The following TRRAP variants were observed in gnomAD, a reference collection of about 807,000 sequenced individuals.
TRRAP encodes the protein transformation/transcription domain associated protein.
TRRAP carries 41 observed loss-of-function variants against 438.8 expected under a neutral mutation model. That is an observed-to-expected ratio of 0.09 (90% confidence interval 0.07 to 0.12). The LOEUF is 0.12. Ranked by LOEUF, TRRAP falls within the 10% of genes least tolerant of loss-of-function variation. TRRAP has a pLI of 1.00. For synonymous variants in TRRAP, 1,994 were observed against 1,962.9 expected, an observed-to-expected ratio of 1.02 and a Z score of -0.42; for missense variants, 3,122 against 5,055.1, an observed-to-expected ratio of 0.62 and a Z score of 11.60.
In TRRAP at chr7:98,908,557, TGAGCCCTCTTCTGTCATGTATCTGGGA is replaced by T. The variant is rs569211913; in HGVS notation, c.1116-167_1116-141del. 5.4e-4 allele frequency among the ~76,000 whole-genome samples: 82 copies of T among 152,294 alleles called. No homozygotes were observed. The highest frequency in any genetic ancestry group is 1.9e-3 in the African/African-American group (79 of 41,544). ...AAGATGGAGGTATCAGTACAAAACT[TGAGCCCTCTTCTGTCATGTATCTGGGA>T]GAGAGTAATGTGGTGAAAATGGGCC... On this transcript the variant is annotated intron_variant, in intron 13 of 72. Coordinates refer to ENST00000456197, the MANE Select transcript of TRRAP (RefSeq NM_001375524.1). The surrounding 1 kb of genome is among the most constrained non-coding windows in gnomAD (Gnocchi z 4.1).
chr7:98,894,602 T>A (rs1439162971), intron 6 of TRRAP, among the ~76,000 whole-genome samples: 1 of 141,270 alleles, frequency 7.1e-6, no homozygotes, highest in Non-Finnish European at 1.5e-5. Context: ...TTCTTTCCTT[T>A]CCTTTCTCTT....
At position 99,005,048 on chromosome 7, in the gene TRRAP, T is replaced by A; in HGVS notation, c.10536-83T>A. On this transcript the variant is annotated intron_variant, in intron 68 of 72. Coordinates refer to ENST00000456197, the MANE Select transcript of TRRAP (RefSeq NM_001375524.1). This position sits in a 1 kb window ranked among gnomAD's most constrained non-coding sequence, Gnocchi z 5.1. ...TACACAGTCCGTTTTCCCGTGACAG[T>A]TCGGACATTCCTAGCTTCTTCTCAA... 1 of 1,416,580 alleles carries A rather than the reference T, an allele frequency of 7.1e-7. No homozygotes were observed. The highest frequency in any genetic ancestry group is 9.9e-7 in the Non-Finnish European group (1 of 1,013,596). The allele number at this position is 1,416,580 out of a possible 1,614,324, so 87.8% of individuals were successfully genotyped here.
chr7:98,930,668 G>A lies in TRRAP; in HGVS notation c.3429G>A (p.Glu1143=), dbSNP rs1370683012. Residue 1143 remains glutamate, a synonymous_variant, in exon 25 of 73, where the codon GAG becomes GAA. Coordinates refer to ENST00000456197, the MANE Select transcript of TRRAP (RefSeq NM_001375524.1). ...TGCCCCTGTTTTCTTACATCGTGGA[G>A]CGCCTGTGTGCATGTTGTTATGAAC... ...CQLPLFSYIV[E]RLCACCYEQA... The A allele has an allele frequency of 9.9e-6, 16 of 1,613,974 alleles. No individual in the cohort carries two copies. The highest frequency in any genetic ancestry group is 3.3e-5 in the Admixed American group (2 of 60,008).
chr7:98,910,538 A>G lies in TRRAP; in HGVS notation c.1743A>G (p.Leu581=). ...CTCAGTTCATTCCCAACAAGCAGTTACAACCCAAAGAGACACAGATTTACA... is the reference window on the plus strand; with the variant it reads ...CTCAGTTCATTCCCAACAAGCAGTTGCAACCCAAAGAGACACAGATTTACA... ...GEAQFIPNKQ[L]QPKETQIYIK... is the part of the protein sequence containing the mutation. Residue 581 remains leucine (L), a synonymous_variant, in exon 16 of 73, where the codon TTA becomes TTG. Transcript: ENST00000456197. The G allele has an allele frequency of 6.2e-7, 1 of 1,614,096 alleles. No individual in the cohort carries two copies. The highest frequency in any genetic ancestry group is 8.5e-7 in the Non-Finnish European group (1 of 1,180,016).
At chr7:99,007,289 T>A (rs1794212504) in intron 69 of TRRAP, among the ~76,000 whole-genome samples, 1 of 152,184 alleles carries the variant, frequency 6.6e-6, no homozygotes, top group Non-Finnish European at 1.5e-5. Context: ...GCCGGACTCT[T>A]CCCATAGACT....
At chr7:98,955,769 T>A (rs1791572622) in intron 41 of TRRAP, among the ~76,000 whole-genome samples, 1 of 152,232 alleles carries the variant, frequency 6.6e-6, no homozygotes, top group South Asian at 2.1e-4. Flanking sequence ...AATTCTTTTA[T>A]AGTCACCTCT....
At chr7:98,928,510 C>T (rs1178315399) in intron 23 of TRRAP, among the ~76,000 whole-genome samples, 3 of 152,120 alleles carry the variant, frequency 2.0e-5, no homozygotes. Flanking sequence ...AGTGTTTGTT[C>T]TTTGTTAACA....
In TRRAP at chr7:98,990,437, T is replaced by G; in HGVS notation, c.9592-18T>G. The stretch of plus-strand genomic sequence containing the variant: ...TCAGAATTGTCATTCTACTCTAGAA[T>G]TTCTCCTTCTGTCTCAGGTGCTGTG... On this transcript the variant is annotated intron_variant, in intron 63 of 72. Coordinates refer to ENST00000456197, the MANE Select transcript of TRRAP (RefSeq NM_001375524.1). 6.2e-7 allele frequency: 1 copy of G among 1,609,250 alleles called. No individual in the cohort carries two copies. The highest frequency in any genetic ancestry group is 8.5e-7 in the Non-Finnish European group (1 of 1,175,862).
chr7:98,911,695 G>A (rs1789281816), intron 17 of TRRAP, among the ~76,000 whole-genome samples: 1 of 151,946 alleles, frequency 6.6e-6, no homozygotes, highest in African/African-American at 2.4e-5. Flanking sequence ...GAGCCCAGGA[G>A]GTTGAGGCTG....
chr7:98,958,738 T>A (rs1024390190), intron 44 of TRRAP, among the ~76,000 whole-genome samples: 10 of 152,220 alleles, frequency 6.6e-5, no homozygotes, highest in African/African-American at 2.4e-4. Context: ...CCAGGTGTTC[T>A]TTTTGCATCC....
chr7:99,004,100 C>G, intron 67 of TRRAP, 90 bp from the exon 68 acceptor site: 2 of 1,217,300 alleles, frequency 1.6e-6, no homozygotes, highest in Non-Finnish European at 2.3e-6. Context: ...ACATGTAATT[C>G]GTAGCTGGTA....
At chr7:98,891,065 G>A (rs972932068) in intron 4 of TRRAP, among the ~76,000 whole-genome samples, 8 of 150,470 alleles carry the variant, frequency 5.3e-5, no homozygotes, top group Non-Finnish European at 1.0e-4. Flanking sequence ...CAAAATTCTG[G>A]TATTACAGGT....
At chr7:98,982,258 G>A (rs1175394964) in intron 59 of TRRAP, among the ~76,000 whole-genome samples, 7 of 152,116 alleles carry the variant, frequency 4.6e-5, no homozygotes, top group Non-Finnish European at 7.4e-5. Flanking sequence ...AGAGTCCATC[G>A]CTCTGTTTTC....
chr7:98,934,281 A>G (rs1790455477), intron 27 of TRRAP, among the ~76,000 whole-genome samples: 1 of 152,242 alleles, frequency 6.6e-6, no homozygotes, highest in Non-Finnish European at 1.5e-5. Context: ...AGAAGAAAGC[A>G]AATTCTTCCA....
intron 47 of TRRAP, among the ~76,000 whole-genome samples, chr7:98,964,424 A>T (rs914417311): frequency 1.3e-5 from 2 of 152,198 alleles, no homozygotes; most frequent in South Asian, 4.1e-4. Flanking sequence ...CTCATTCATG[A>T]TGATTTGATC....
chr7:98,932,035 C>T (rs1465278671), intron 26 of TRRAP, among the ~76,000 whole-genome samples: 1 of 152,022 alleles, frequency 6.6e-6, no homozygotes, highest in African/African-American at 2.4e-5. Flanking sequence ...CTGCCTCAGC[C>T]TCCTAAGTAG....
At chr7:98,962,278 G>T (rs1213005191) in intron 46 of TRRAP, 24 bp from the exon 47 acceptor site, 1 of 1,613,958 alleles carries the variant, frequency 6.2e-7, no homozygotes, top group Non-Finnish European at 8.5e-7. Flanking sequence ...TAACCACAGT[G>T]CCTGGGTCCC....
At chr7:98,905,412 G>A (rs924603465) in intron 12 of TRRAP, among the ~76,000 whole-genome samples, 2 of 152,194 alleles carry the variant, frequency 1.3e-5, no homozygotes, top group Non-Finnish European at 2.9e-5. Flanking sequence ...CTTTATGTCA[G>A]GCTTATTCCA....
At chr7:98,879,657 C>T (rs1315820935) in intron 1 of TRRAP, among the ~76,000 whole-genome samples, 1 of 152,146 alleles carries the variant, frequency 6.6e-6, no homozygotes, top group African/African-American at 2.4e-5. Flanking sequence ...TTGCCAGGTC[C>T]CCTAGCAGGG....
Sources: gnomAD v4.1 joint callset for allele counts (sites outside exome capture counted in the v4.1 genomes callset) on GRCh38, gnomAD v4.1.1 for gene constraint, Gnocchi (gnomAD v3.1) non-coding constraint, MANE v1.5 for transcripts, NCBI Gene and HGNC (gene_info 2026-07-23, HGNC 2026-07-21) for gene names.